The following TBC1D13 variants were observed in gnomAD, a reference collection of about 807,000 sequenced individuals.
The protein encoded by TBC1D13 is epididymis secretory sperm binding protein.
A neutral mutation model predicts 53.6 loss-of-function variants in TBC1D13; 40 were observed. The ratio of observed to expected loss-of-function variants is 0.75; its 90% CI spans 0.58 to 0.97. The LOEUF (loss-of-function observed/expected upper bound fraction) is 0.97, where lower values mean the gene tolerates loss of function less well. TBC1D13 is among the 50% of genes least tolerant of loss of function. The pLI, the probability that TBC1D13 is intolerant of heterozygous loss-of-function variation, is 0.00. For missense variants in TBC1D13, 377 were observed against 499.4 expected (o/e 0.75, Z 2.34); for synonymous variants, 182 against 197.7 (o/e 0.92, Z 0.67).
At position 128,804,170 on chromosome 9, in the gene TBC1D13, G is replaced by A. The variant is rs1381635968; in HGVS notation, c.918+51G>A. ...GGAAAGGGACAGGAGGCAGAGAGTT[G>A]CTGTGCCATCCCAGCCCAGGGCGAG... On this transcript the variant is annotated intron_variant, in intron 9 of 11. Coordinates refer to ENST00000372648, the MANE Select transcript of TBC1D13 (RefSeq NM_018201.5). 1.9e-6 allele frequency: 3 copies of A among 1,593,194 alleles called. No homozygotes were observed. The African/African-American group carries it at 4.0e-5, about 21-fold the overall frequency.
chr9:128,807,763 G>A (rs768407339), intron 11 of TBC1D13, 51 bp from the exon 12 acceptor site: 56 of 1,588,638 alleles, frequency 3.5e-5, no homozygotes, highest in Non-Finnish European at 4.8e-5. Context: ...TGTGGGTGTG[G>A]CAGGGGTGAA....
In TBC1D13 at chr9:128,807,839, A is replaced by G. The variant is rs752074089; in HGVS notation, c.1163A>G (p.Gln388Arg). ...GACTACCCCATCACAGATGTCTGCC[A>G]GATCCTGCAGAAAGCCAAGGAGCTC... ...LQDYPITDVCQILQKAKELQD... is the reference protein window; with the variant it reads ...LQDYPITDVCRILQKAKELQD... The change falls in exon 12 of 12, where the codon CAG (glutamine) becomes CGG (arginine). Residue 388 changes from glutamine (Q) to arginine (R), a missense_variant. Gln to Arg is a conservative substitution (Grantham distance 43). Transcript: ENST00000372648. 25 of 1,614,088 alleles carry G rather than the reference A, an allele frequency of 1.5e-5. No individual in the cohort carries two copies. In the East Asian group the frequency reaches 5.3e-4, roughly 35 times the overall value.
intron 2 of TBC1D13, among the ~76,000 whole-genome samples, chr9:128,789,285 C>T (rs890666962): frequency 6.8e-6 from 1 of 147,606 alleles, no homozygotes; most frequent in South Asian, 2.1e-4. Context: ...CATTGCACTC[C>T]AGCCTGGGCG....
In TBC1D13 at chr9:128,808,229, C is replaced by G; in HGVS notation, c.*350C>G. The stretch of plus-strand genomic sequence containing the variant: ...CCTCAGTTCCTGCTTCTGGTCTTCT[C>G]CTGGGCTCCACTCAGGGGAGGTGCT... On this transcript the variant is annotated 3_prime_UTR_variant, in exon 12 of 12. Coordinates refer to ENST00000372648, the MANE Select transcript of TBC1D13 (RefSeq NM_018201.5). 6.2e-6 allele frequency: 2 copies of G among 323,946 alleles called. No homozygotes were observed. Among genetic ancestry groups the G allele is most frequent in the Non-Finnish European group, 1.2e-5 (2 of 165,590 alleles). The allele number at this position is 323,946 out of a possible 1,614,324, so 20.1% of individuals were successfully genotyped here.
At chr9:128,799,674 A>C (rs974433774) in intron 7 of TBC1D13, among the ~76,000 whole-genome samples, 3 of 152,092 alleles carry the variant, frequency 2.0e-5, no homozygotes, top group Admixed American at 2.0e-4. Flanking sequence ...AATATTTTAG[A>C]TTGTTCAGTG....
intron 7 of TBC1D13, among the ~76,000 whole-genome samples, chr9:128,799,116 G>A (rs1262080689): frequency 6.6e-6 from 1 of 152,230 alleles, no homozygotes; most frequent in African/African-American, 2.4e-5. Flanking sequence ...CTGCTGTGCA[G>A]TGCAGATTGC....
chr9:128,797,273 T>G, intron 7 of TBC1D13, 59 bp downstream of exon 7: 1 of 1,572,684 alleles, frequency 6.4e-7, no homozygotes, highest in African/African-American at 1.3e-5. Context: ...TTCCTTTTTC[T>G]CTTAAACTCC....
rs1370487688 is a variant in TBC1D13, at chr9:128,791,693, T to C, written c.300T>C (p.His100=). The part of the protein sequence containing the change: ...VSREDVTFED[H]PLNPNPDSRW... ...GGGAGGATGTGACTTTTGAGGACCA[T>C]GTGAGTAGAGGTTGACAGCGGAGAC... Residue 100 remains histidine (H), a splice_region_variant and synonymous_variant, in exon 5 of 12, where the codon CAT becomes CAC. Coordinates refer to ENST00000372648, the MANE Select transcript of TBC1D13 (RefSeq NM_018201.5). 6.2e-7 allele frequency: 1 copy of C among 1,613,670 alleles called. No homozygotes were observed. The highest frequency in any genetic ancestry group is 1.1e-5 in the South Asian group (1 of 91,082).
In TBC1D13 at chr9:128,805,969, C is replaced by T. The variant is rs765024773; in HGVS notation, c.1029C>T (p.Ala343=). ...TCCGCATCTGGGACTCCCTCTTCGC[C>T]GATGACAACCGCTTTGACTTCCTCC... ...DVIRIWDSLF[A]DDNRFDFLLL... is the part of the protein sequence containing the mutation. The change falls in exon 10 of 12, where the codon GCC becomes GCT. Residue 343 remains alanine, a synonymous_variant. Transcript: ENST00000372648. 29 of 1,614,106 alleles carry T rather than the reference C, an allele frequency of 1.8e-5. 1 individual carries two copies. The highest frequency in any genetic ancestry group is 6.6e-5 in the South Asian group (6 of 91,094).
rs1564428269 is a variant in TBC1D13, at chr9:128,808,407, C to CTGTGTG, written c.*528_*529insTGTGTG. 2.1e-5 allele frequency: 2 copies of CTGTGTG among 96,422 alleles called. No homozygotes were observed. The highest frequency in any genetic ancestry group is 2.0e-4 in the South Asian group (1 of 5,122). 6.0% of individuals were successfully genotyped at this position (96,422 alleles called of 1,614,324 possible). ...GGGCCCAAGTCCCCAGGCATCTTCT[C>CTGTGTG]CGTGTGTGTGTGTGTGTGTGTGTGT... is the stretch of plus-strand genomic sequence containing the variant. On this transcript the variant is annotated 3_prime_UTR_variant, in exon 12 of 12. Transcript: ENST00000372648.
rs1829467558 is a variant in TBC1D13, at chr9:128,788,354, T to C, written c.44T>C (p.Val15Ala). The C allele has an allele frequency of 6.2e-7, 1 of 1,614,026 alleles. No homozygotes were observed. Among genetic ancestry groups the C allele is most frequent in the African/African-American group, 1.3e-5 (1 of 74,920 alleles). Residue 15 changes from valine to alanine, a missense_variant, in exon 2 of 12, where the codon GTC (valine) becomes GCC (alanine). Val to Ala is a moderately conservative substitution (Grantham distance 64). Coordinates refer to ENST00000372648, the MANE Select transcript of TBC1D13 (RefSeq NM_018201.5). ...TCCAGAATTGCAGATTTCCAGGATGTCCTGAAGGAGCCCTCAATTGCATTG... is the reference window on the plus strand; with the variant it reads ...TCCAGAATTGCAGATTTCCAGGATGCCCTGAAGGAGCCCTCAATTGCATTG... The part of the protein sequence containing the change: ...HKSRIADFQD[V>A]LKEPSIALEK...
Position 128,791,484 on chromosome 9 carries a change from G to A in TBC1D13, c.200+43G>A. ...GGCAGTGACAGGAGGGCCCTTGCATGTGACAGAGCCAGTACCGCTGGGGCC... is the reference window on the plus strand; with the variant it reads ...GGCAGTGACAGGAGGGCCCTTGCATATGACAGAGCCAGTACCGCTGGGGCC... On this transcript the variant is annotated intron_variant, in intron 4 of 11. Coordinates refer to ENST00000372648, the MANE Select transcript of TBC1D13 (RefSeq NM_018201.5). 3.7e-6 allele frequency: 6 copies of A among 1,612,172 alleles called. 1 individual carries two copies. In the South Asian group the frequency reaches 4.4e-5, roughly 12 times the overall value.
At chr9:128,798,895 A>G (rs932770721) in intron 7 of TBC1D13, among the ~76,000 whole-genome samples, 1 of 152,100 alleles carries the variant, frequency 6.6e-6, no homozygotes, top group Non-Finnish European at 1.5e-5. Flanking sequence ...ATTTTTTTAA[A>G]TAGAGACAGA....
At chr9:128,789,119 C>G (rs148657226) in intron 2 of TBC1D13, among the ~76,000 whole-genome samples, 1 of 151,860 alleles carries the variant, frequency 6.6e-6, no homozygotes, top group Non-Finnish European at 1.5e-5. Flanking sequence ...GTCAGGAGTT[C>G]GAGAACAGCC....
chr9:128,787,581 C>T (rs1205953049), intron 1 of TBC1D13, among the ~76,000 whole-genome samples: 1 of 152,070 alleles, frequency 6.6e-6, no homozygotes, highest in Admixed American at 6.5e-5. Context: ...GATGTCACTG[C>T]TTCTGCCTCC....
chr9:128,788,192 C>A, intron 1 of TBC1D13, 142 bp from the exon 2 acceptor site: 2 of 667,066 alleles, frequency 3.0e-6, no homozygotes, highest in Non-Finnish European at 5.3e-6. Flanking sequence ...TGGTGAGGAC[C>A]TTGACTAAGC....
intron 5 of TBC1D13, 109 bp from the exon 6 acceptor site, chr9:128,792,383 G>A: frequency 1.1e-6 from 1 of 877,562 alleles, no homozygotes; most frequent in Non-Finnish European, 1.8e-6. Context: ...CCACACCTCA[G>A]TGTGCAGTGG....
At chr9:128,791,324 A>C (rs916971522) in intron 3 of TBC1D13, 56 bp from the exon 4 acceptor site, 65 of 1,533,700 alleles carry the variant, frequency 4.2e-5, no homozygotes, top group Non-Finnish European at 5.2e-5. Context: ...CCCCGCCTAA[A>C]GACTGACGTT....
At chr9:128,803,162 C>A in intron 7 of TBC1D13, 88 bp from the exon 8 acceptor site, 1 of 1,263,018 alleles carries the variant, frequency 7.9e-7, no homozygotes, top group Admixed American at 1.8e-5. Flanking sequence ...CAGCTCCCAC[C>A]TCAGCCTCCC....
Sources: allele counts gnomAD v4.1 joint callset (sites outside exome capture counted in the v4.1 genomes callset), GRCh38; gene constraint gnomAD v4.1.1; transcripts MANE v1.5; gene names NCBI Gene and HGNC (gene_info 2026-07-23, HGNC 2026-07-21).